Variants in GABRA3 observed in about 807,000 individuals in gnomAD.
GABRA3 encodes the protein gamma-aminobutyric acid type A receptor subunit alpha3.
Under a neutral mutation model 30.1 loss-of-function variants are expected in GABRA3, and 10 were observed. The observed-to-expected ratio is 0.33, with a 90% CI of 0.20 to 0.56. GABRA3 has a LOEUF of 0.56. GABRA3 is among the 20% of genes least tolerant of loss of function. The pLI, the probability that GABRA3 is intolerant of heterozygous loss-of-function variation, is 0.89. For missense variants in GABRA3, 233 were observed against 392.0 expected (o/e 0.59, Z 3.42); for synonymous variants, 151 against 146.8 (o/e 1.03, Z -0.21).
Position 152,396,163 on chromosome X carries a change from G to A in GABRA3, c.-26-31567C>T, listed in dbSNP as rs185445314. Among the ~76,000 whole-genome samples the A allele has an allele frequency of 4.5e-5, 5 of 111,506 alleles. No individual in the cohort carries two copies. In the East Asian group the frequency reaches 8.5e-4, roughly 19 times the overall value. The stretch of plus-strand genomic sequence containing the variant: ...GGGAAATTTAGATATAACAGACAAC[G>A]AGAGAAAACCATATGACAATGAAGT... On this transcript the variant is annotated intron_variant, in intron 1 of 9. Coordinates refer to ENST00000370314, the MANE Select transcript of GABRA3 (RefSeq NM_000808.4).
chrX:152,220,420 C>T (rs1937809565), intron 6 of GABRA3, among the ~76,000 whole-genome samples: 1 of 111,543 alleles, frequency 9.0e-6, no homozygotes, highest in African/African-American at 3.3e-5. Context: ...TATAGTATTT[C>T]ATTGCGTGAC....
intron 8 of GABRA3, 79 bp from the exon 9 acceptor site, chrX:152,190,020 T>C: frequency 1.3e-6 from 1 of 741,135 alleles, no homozygotes; most frequent in Non-Finnish European, 2.0e-6. Context: ...AATTTCCTAT[T>C]TGAAAGGAGA....
intron 6 of GABRA3, among the ~76,000 whole-genome samples, chrX:152,214,877 G>A (rs1937687414): frequency 9.2e-6 from 1 of 108,461 alleles, no homozygotes; most frequent in Non-Finnish European, 1.9e-5. Flanking sequence ...GTTCACTATT[G>A]GCATATAGAA....
Position 152,208,124 on chromosome X carries a change from C to T in GABRA3, c.655G>A (p.Val219Met). ...FGSYAYTTAE[V>M]VYSWTLGKNK... ...TTTCCGAGAGTCCAAGAATAAACCA[C>T]TTCAGCTGTTGTATAGGCATCTAAG... The change falls in exon 7 of 10, where the codon GTG (valine) becomes ATG (methionine). Residue 219 changes from valine to methionine, a missense_variant. Val to Met is a conservative substitution (Grantham distance 21). Transcript: ENST00000370314. 8.3e-7 allele frequency: 1 copy of T among 1,210,916 alleles called. No individual in the cohort carries two copies. Among genetic ancestry groups the T allele is most frequent in the Non-Finnish European group, 1.1e-6 (1 of 894,859 alleles).
intron 8 of GABRA3, among the ~76,000 whole-genome samples, chrX:152,191,121 G>C (rs746162758): frequency 2.3e-4 from 25 of 110,028 alleles, no homozygotes; most frequent in Non-Finnish European, 4.2e-4. Flanking sequence ...TATAATACCT[G>C]ACACAGAGTA....
At chrX:152,268,333 C>T (rs1938866699) in intron 4 of GABRA3, among the ~76,000 whole-genome samples, 1 of 111,603 alleles carries the variant, frequency 9.0e-6, no homozygotes, top group Non-Finnish European at 1.9e-5. Context: ...GGGTTTTTCC[C>T]ATGCTGTTCT....
At chrX:152,246,374 A>G (rs1222629205) in intron 5 of GABRA3, among the ~76,000 whole-genome samples, 1 of 111,710 alleles carries the variant, frequency 9.0e-6, no homozygotes, top group Non-Finnish European at 1.9e-5. Flanking sequence ...GGCAAAAATG[A>G]AATAAATGTG....
chrX:152,218,380 T>C (rs1050127654), intron 6 of GABRA3, among the ~76,000 whole-genome samples: 6 of 110,981 alleles, frequency 5.4e-5, no homozygotes, highest in African/African-American at 1.6e-4. Context: ...TAACCTAATA[T>C]ATGGTCTACC....
intron 3 of GABRA3, among the ~76,000 whole-genome samples, chrX:152,344,832 C>G (rs766318454): frequency 9.0e-6 from 1 of 111,234 alleles, no homozygotes; most frequent in Non-Finnish European, 1.9e-5. Context: ...AATGCATAAT[C>G]CTAGATTGAA....
chrX:152,383,311 C>A (rs1929196290), intron 1 of GABRA3, among the ~76,000 whole-genome samples: 1 of 98,859 alleles, frequency 1.0e-5, no homozygotes, highest in Non-Finnish European at 2.0e-5. Flanking sequence ...ATGATACGAA[C>A]CTGGGAGGTG....
intron 9 of GABRA3, among the ~76,000 whole-genome samples, chrX:152,170,101 C>T (rs886909396): frequency 8.9e-6 from 1 of 112,093 alleles, no homozygotes; most frequent in African/African-American, 3.2e-5. Context: ...AGCTCACACT[C>T]GGGTGTGGGA....
At position 152,364,516 on chromosome X, in the gene GABRA3, G is replaced by C. The variant is rs201326581; in HGVS notation, c.55C>G (p.Leu19Val). ...GTGGTTCCAGGGAGAATATTAATCA[G>C]GAAAAGAATCCCAAGGCTGGTCATG... Reference protein sequence around the residue: ...CYMTSLGILFLINILPGTTGQ... With the variant: ...CYMTSLGILFVINILPGTTGQ... The change falls in exon 2 of 10, where the codon CTG becomes GTG. Residue 19 changes from leucine (L) to valine (V), a missense_variant. Transcript: ENST00000370314. 8.3e-5 allele frequency: 100 copies of C among 1,206,283 alleles called. No individual in the cohort carries two copies. Among genetic ancestry groups the C allele is most frequent in the Non-Finnish European group, 1.1e-4 (97 of 892,820 alleles).
chrX:152,403,580 G>C (rs2124524221), intron 1 of GABRA3, among the ~76,000 whole-genome samples: 1 of 108,927 alleles, frequency 9.2e-6, no homozygotes, highest in South Asian at 4.1e-4. Context: ...GTGTGTGTGT[G>C]TGTGTGTGTG....
At chrX:152,264,554 AAC>A (rs1235612629) in intron 4 of GABRA3, among the ~76,000 whole-genome samples, 1 of 111,476 alleles carries the variant, frequency 9.0e-6, no homozygotes. Context: ...CCTTCAGTAA[AAC>A]AATCACAAGA....
intron 4 of GABRA3, among the ~76,000 whole-genome samples, chrX:152,277,703 T>C (rs1603231749): frequency 1.8e-5 from 2 of 111,907 alleles, no homozygotes; most frequent in African/African-American, 6.5e-5. Context: ...ATGAATTCTG[T>C]TGTTTTGTGA....
chrX:152,345,729 A>T (rs1940382528), intron 2 of GABRA3, 27 bp from the exon 3 acceptor site: 1 of 1,158,135 alleles, frequency 8.6e-7, no homozygotes. Flanking sequence ...AAAAGAAAAA[A>T]AATAATAGTT....
chrX:152,225,785 C>G (rs970864413), intron 5 of GABRA3, among the ~76,000 whole-genome samples: 1 of 109,683 alleles, frequency 9.1e-6, no homozygotes, highest in African/African-American at 3.3e-5. Flanking sequence ...AGCTTGGAAG[C>G]TAGCCGTCAT....
chrX:152,275,181 TTAA>T (rs1195575317), intron 4 of GABRA3, among the ~76,000 whole-genome samples: 1 of 75,341 alleles, frequency 1.3e-5, no homozygotes. Context: ...TTATATATAT[TTAA>T]TATTATATAT....
intron 1 of GABRA3, among the ~76,000 whole-genome samples, chrX:152,425,485 A>G (rs778709358): frequency 9.0e-6 from 1 of 110,834 alleles, no homozygotes; most frequent in Non-Finnish European, 1.9e-5. Context: ...CATTTCCCCA[A>G]TTTTTCTTTG....
Sources: allele counts gnomAD v4.1 joint callset (sites outside exome capture counted in the v4.1 genomes callset), GRCh38; gene constraint gnomAD v4.1.1; transcripts MANE v1.5; gene names NCBI Gene and HGNC (gene_info 2026-07-23, HGNC 2026-07-21).